Variants in KCNQ1 observed in about 807,000 individuals in gnomAD.
KCNQ1 encodes the protein potassium voltage-gated channel subfamily KQT member 1.
KCNQ1 carries 49 observed loss-of-function variants against 72.4 expected under a neutral mutation model. The observed-to-expected ratio is 0.68, with a 90% CI of 0.54 to 0.86. The LOEUF is 0.86. Ranked by LOEUF, KCNQ1 falls within the 40% of genes least tolerant of loss-of-function variation. KCNQ1 has a pLI of 0.00. For synonymous variants in KCNQ1, 450 were observed against 412.6 expected (o/e 1.09, Z -1.10); for missense variants, 790 against 945.1 (o/e 0.84, Z 2.15).
At chr11:2,832,701 G>T (rs1847977741) in intron 15 of KCNQ1, among the ~76,000 whole-genome samples, 1 of 152,212 alleles carries the variant, frequency 6.6e-6, no homozygotes, top group Non-Finnish European at 1.5e-5. Context: ...GGCCTGTGTG[G>T]AGAAGGTTGC....
In KCNQ1 at chr11:2,735,152, G is replaced by A. The variant is rs182755769; in HGVS notation, c.1515-33692G>A. Among the ~76,000 whole-genome samples, 49 of 152,296 alleles carry A rather than the reference G, an allele frequency of 3.2e-4. No individual in the cohort carries two copies. Among genetic ancestry groups the A allele is most frequent in the African/African-American group, 1.1e-3 (46 of 41,564 alleles). ...ACGTGTGAAACCTGACAGCAGCGCC[G>A]CAGCAGGACAGGGAGGGACTGTGTG... On this transcript the variant is annotated intron_variant, in intron 11 of 15. Coordinates refer to ENST00000155840, the MANE Select transcript of KCNQ1 (RefSeq NM_000218.3). The surrounding 1 kb of genome is among the most constrained non-coding windows in gnomAD (Gnocchi z 7.7).
intron 4 of KCNQ1, 120 bp from the exon 5 acceptor site, chr11:2,571,893 C>A: frequency 1.3e-6 from 1 of 799,016 alleles, no homozygotes; most frequent in Admixed American, 2.0e-5. Context: ...CCTCCCCACC[C>A]AGAGTGGACG....
At chr11:2,619,591 A>G (rs1196402157) in intron 10 of KCNQ1, 3 of 398,354 alleles carry the variant, frequency 7.5e-6, no homozygotes, top group South Asian at 1.3e-4. Flanking sequence ...GGATTTTTGC[A>G]TCGGTATTCT....
At chr11:2,681,711 T>C (rs966386710) in intron 11 of KCNQ1, 11 of 397,518 alleles carry the variant, frequency 2.8e-5, no homozygotes, top group Non-Finnish European at 4.9e-5. Context: ...CATGTGTCTG[T>C]TCCTCTATTC....
intron 2 of KCNQ1, among the ~76,000 whole-genome samples, chr11:2,534,217 G>A (rs993193931): frequency 6.6e-6 from 1 of 152,202 alleles, no homozygotes; most frequent in Admixed American, 6.5e-5. Flanking sequence ...ACAAGGTCGG[G>A]TCCTGTCCTC....
In KCNQ1 at chr11:2,767,486, A is replaced by T. The variant is rs186889967; in HGVS notation, c.1515-1358A>T. Among the ~76,000 whole-genome samples, 1 of 152,288 alleles carries T rather than the reference A, an allele frequency of 6.6e-6. No homozygotes were observed. Among genetic ancestry groups the T allele is most frequent in the Non-Finnish European group, 1.5e-5 (1 of 68,010 alleles). On this transcript the variant is annotated intron_variant, in intron 11 of 15. Transcript: ENST00000155840. The surrounding 1 kb of genome is among the most constrained non-coding windows in gnomAD (Gnocchi z 4.6). The stretch of plus-strand genomic sequence containing the variant: ...GCTGTTGGAAGTACCACACCTTTAG[A>T]TCTGTATGATCTCTCTTTTCCCTTG...
At position 2,478,800 on chromosome 11, in the gene KCNQ1, A is replaced by G. The variant is rs1010641772; in HGVS notation, c.386+33316A>G. 6.6e-6 allele frequency among the ~76,000 whole-genome samples: 1 copy of G among 152,180 alleles called. No individual in the cohort carries two copies. Among genetic ancestry groups the G allele is most frequent in the African/African-American group, 2.4e-5 (1 of 41,428 alleles). On this transcript the variant is annotated intron_variant, in intron 1 of 15. Coordinates refer to ENST00000155840, the MANE Select transcript of KCNQ1 (RefSeq NM_000218.3). This position sits in a 1 kb window ranked among gnomAD's most constrained non-coding sequence, Gnocchi z 4.0. ...CTTAACTCATTTCAGCATTAACTCA[A>G]AAATCTGCAGTCCAAAGTCTCATCT...
rs1847280526 is a variant in KCNQ1, at chr11:2,515,883, C to T, written c.387-12045C>T. The stretch of plus-strand genomic sequence containing the variant: ...TCCGGGCCCCAGGAGAAGCTCATGC[C>T]TTTCCTGCTTGCACCCCAGAGCCTG... On this transcript the variant is annotated intron_variant, in intron 1 of 15. Coordinates refer to ENST00000155840, the MANE Select transcript of KCNQ1 (RefSeq NM_000218.3). The surrounding 1 kb of genome is among the most constrained non-coding windows in gnomAD (Gnocchi z 4.7). Among the ~76,000 whole-genome samples the T allele has an allele frequency of 6.6e-6, 1 of 151,928 alleles. No homozygotes were observed. The highest frequency in any genetic ancestry group is 1.5e-5 in the Non-Finnish European group (1 of 67,988).
At position 2,620,299 on chromosome 11, in the gene KCNQ1, C is replaced by T. The variant is rs950804158; in HGVS notation, c.1393+31445C>T. 3.3e-5 allele frequency: 7 copies of T among 209,168 alleles called. No individual in the cohort carries two copies. Among genetic ancestry groups the T allele is most frequent in the African/African-American group, 1.6e-4 (7 of 43,106 alleles). 13.0% of individuals were successfully genotyped at this position (209,168 alleles called of 1,614,324 possible). On this transcript the variant is annotated intron_variant, in intron 10 of 15. Coordinates refer to ENST00000155840, the MANE Select transcript of KCNQ1 (RefSeq NM_000218.3). The surrounding 1 kb of genome is among the most constrained non-coding windows in gnomAD (Gnocchi z 4.5). ...TGGCATGATCTCGGCTCACTGCAGC[C>T]TCCGCCTACCGGGTTCAAGTGATTC...
At position 2,653,252 on chromosome 11, in the gene KCNQ1, T is replaced by G. The variant is rs1849785289; in HGVS notation, c.1394-8709T>G. The G allele has an allele frequency of 2.5e-6, 1 of 398,616 alleles. No individual in the cohort carries two copies. Among genetic ancestry groups the G allele is most frequent in the African/African-American group, 2.1e-5 (1 of 48,642 alleles). 24.7% of individuals were successfully genotyped at this position (398,616 alleles called of 1,614,324 possible). A position where few individuals can be genotyped will look rare whatever the true frequency, so the allele number is the denominator to read the frequency against. Reference sequence around the variant, plus strand: ...GCCAGCTTCTTTCCCACAAGCCTTCTCCCTGCCCTCTGCCCTGAAAACTAG... The same window carrying G: ...GCCAGCTTCTTTCCCACAAGCCTTCGCCCTGCCCTCTGCCCTGAAAACTAG... On this transcript the variant is annotated intron_variant, in intron 10 of 15. Coordinates refer to ENST00000155840, the MANE Select transcript of KCNQ1 (RefSeq NM_000218.3). This position sits in a 1 kb window ranked among gnomAD's most constrained non-coding sequence, Gnocchi z 5.3.
chr11:2,836,761 G>GACCAGGCAGA (rs1848074326), intron 15 of KCNQ1, among the ~76,000 whole-genome samples: 1 of 152,230 alleles, frequency 6.6e-6, no homozygotes, highest in African/African-American at 2.4e-5. Flanking sequence ...AAACCTCGCT[G>GACCAGGCAGA]ACCAGGCAGA....
rs1162467032 is a variant in KCNQ1 at position 2,813,552 on chromosome 11, G to A, written c.1795-34215G>A. On this transcript the variant is annotated intron_variant, in intron 15 of 15. Transcript: ENST00000155840. The surrounding 1 kb of genome is among the most constrained non-coding windows in gnomAD (Gnocchi z 4.4). ...TCTCTATGGTCCCCTCCTTGATCTG[G>A]AGCCATTCAGCCACATGGAGTATGT... 6.6e-6 allele frequency among the ~76,000 whole-genome samples: 1 copy of A among 152,010 alleles called. No individual in the cohort carries two copies. The highest frequency in any genetic ancestry group is 1.9e-4 in the East Asian group (1 of 5,158).
At chr11:2,636,343 T>G (rs553467771) in intron 10 of KCNQ1, 105 of 152,066 alleles carry the variant, frequency 6.9e-4, no homozygotes, top group African/African-American at 2.3e-3. Context: ...GCTCTTATTA[T>G]TTTGAGATAC....
chr11:2,571,229 C>T (rs1848328431), intron 3 of KCNQ1, 96 bp from the exon 4 acceptor site: 4 of 1,028,450 alleles, frequency 3.9e-6, no homozygotes, highest in Admixed American at 3.4e-5. Context: ...GTCTGACCAG[C>T]AAGCCCCTTC....
intron 15 of KCNQ1, among the ~76,000 whole-genome samples, chr11:2,841,580 C>A (rs2134086339): frequency 6.6e-6 from 1 of 152,332 alleles, no homozygotes; most frequent in Middle Eastern, 3.4e-3. Context: ...AGGATTCGGG[C>A]CGGCTTGGGA....
At chr11:2,747,825 G>C (rs1219136407) in intron 11 of KCNQ1, among the ~76,000 whole-genome samples, 2 of 152,084 alleles carry the variant, frequency 1.3e-5, no homozygotes, top group Admixed American at 1.3e-4. Context: ...GAGGCACGCA[G>C]GGTGAGGCTG....
In KCNQ1 at chr11:2,652,910, A is replaced by G. The variant is rs1849779471; in HGVS notation, c.1394-9051A>G. ...TGTGGGGTGTGGTCCTCAGTATCCTAAACTTAGGTTTTGGAAAGCCCAGCA... is the reference window on the plus strand; with the variant it reads ...TGTGGGGTGTGGTCCTCAGTATCCTGAACTTAGGTTTTGGAAAGCCCAGCA... On this transcript the variant is annotated intron_variant, in intron 10 of 15. Transcript: ENST00000155840. The surrounding 1 kb of genome is among the most constrained non-coding windows in gnomAD (Gnocchi z 5.9). 1 of 398,628 alleles carries G rather than the reference A, an allele frequency of 2.5e-6. No individual in the cohort carries two copies. Among genetic ancestry groups the G allele is most frequent in the African/African-American group, 2.1e-5 (1 of 48,750 alleles). The allele number at this position is 398,628 out of a possible 1,614,324, so 24.7% of individuals were successfully genotyped here.
chr11:2,806,875 C>T (rs1847383399), intron 15 of KCNQ1, among the ~76,000 whole-genome samples: 1 of 152,142 alleles, frequency 6.6e-6, no homozygotes, highest in Non-Finnish European at 1.5e-5. Context: ...ACACAAAGGC[C>T]TCTGCTTCTC....
intron 10 of KCNQ1, chr11:2,629,146 G>T: frequency 2.5e-6 from 1 of 398,130 alleles, no homozygotes; most frequent in Non-Finnish European, 4.4e-6. Flanking sequence ...CTGGAAATTT[G>T]ATAGGCATTG....
Sources: allele counts gnomAD v4.1 joint callset (sites outside exome capture counted in the v4.1 genomes callset), GRCh38; gene constraint gnomAD v4.1.1; non-coding constraint Gnocchi (gnomAD v3.1); transcripts MANE v1.5; gene names NCBI Gene and HGNC (gene_info 2026-07-23, HGNC 2026-07-21).